The following ZNF398 variants were observed in gnomAD, a reference collection of about 807,000 sequenced individuals.
ZNF398 encodes zinc finger protein 398.
ZNF398 carries 18 observed loss-of-function variants against 41.9 expected under a neutral mutation model. That is an observed-to-expected ratio of 0.43 (90% CI 0.30 to 0.64). The LOEUF is 0.64. Among genes scored for constraint, ZNF398 ranks in the 30% least tolerant of loss-of-function variants. ZNF398 has a pLI of 0.14. For missense variants in ZNF398, 669 were observed against 822.8 expected (o/e 0.81, Z 2.29); for synonymous variants, 260 against 308.8 (o/e 0.84, Z 1.66).
At chr7:149,133,163 T>G (rs1183804354) in intron 2 of ZNF398, among the ~76,000 whole-genome samples, 3 of 150,730 alleles carry the variant, frequency 2.0e-5, no homozygotes, top group Non-Finnish European at 4.4e-5. Context: ...TAGCCCAGGG[T>G]GGAGTGCAGT....
intron 2 of ZNF398, among the ~76,000 whole-genome samples, chr7:149,138,717 G>C (rs940680661): frequency 3.3e-5 from 5 of 152,174 alleles, no homozygotes; most frequent in South Asian, 2.1e-4. Context: ...AAAATGCTTC[G>C]AGTGATTGTC....
intron 2 of ZNF398, among the ~76,000 whole-genome samples, chr7:149,136,273 G>A (rs1398482694): frequency 1.3e-5 from 2 of 152,126 alleles, no homozygotes; most frequent in African/African-American, 4.8e-5. Context: ...GAGGGTTGCA[G>A]AGCGGCCAGG....
intron 2 of ZNF398, among the ~76,000 whole-genome samples, chr7:149,131,144 C>T (rs980507470): frequency 1.3e-5 from 2 of 152,128 alleles, no homozygotes; most frequent in African/African-American, 4.8e-5. Flanking sequence ...TGTGTTTATT[C>T]AAAGAAACCA....
chr7:149,179,028 A>T lies in ZNF398; in HGVS notation c.1156A>T (p.Ser386Cys). 1 of 1,613,076 alleles carries T rather than the reference A, an allele frequency of 6.2e-7. No individual in the cohort carries two copies. The highest frequency in any genetic ancestry group is 8.5e-7 in the Non-Finnish European group (1 of 1,179,752). ...PKHFTPQADL[S>C]STSQDHASET... The stretch of plus-strand genomic sequence containing the variant: ...GCACTTTACTCCACAGGCGGACCTC[A>T]GCAGCACCTCCCAGGACCATGCCAG... The change falls in exon 6 of 6, where the codon AGC becomes TGC. Residue 386 changes from serine (S) to cysteine (C), a missense_variant. Coordinates refer to ENST00000475153, the MANE Select transcript of ZNF398 (RefSeq NM_170686.3). The surrounding 1 kb of genome is among the most constrained non-coding windows in gnomAD (Gnocchi z 6.1).
chr7:149,177,448 A>C (rs1287761922), intron 5 of ZNF398, among the ~76,000 whole-genome samples: 2 of 152,186 alleles, frequency 1.3e-5, no homozygotes, highest in African/African-American at 4.8e-5. Context: ...AAAAAGGAAA[A>C]TATGCATCAG....
At chr7:149,127,623 G>A (rs1263812644) in intron 1 of ZNF398, among the ~76,000 whole-genome samples, 3 of 151,222 alleles carry the variant, frequency 2.0e-5, no homozygotes, top group Non-Finnish European at 4.4e-5. Context: ...AGGCTGAGTC[G>A]GGAGAGTGGC....
At chr7:149,149,707 G>T (rs1251865461) in intron 1 of ZNF398, among the ~76,000 whole-genome samples, 1 of 151,882 alleles carries the variant, frequency 6.6e-6, no homozygotes, top group Non-Finnish European at 1.5e-5. Flanking sequence ...TTAGCCAGGC[G>T]TGGTGGCATG....
chr7:149,133,242 A>G (rs530765516), intron 2 of ZNF398, among the ~76,000 whole-genome samples: 1 of 151,884 alleles, frequency 6.6e-6, no homozygotes, highest in African/African-American at 2.4e-5. Flanking sequence ...TAGCCTTCCA[A>G]GTAGCTGGGA....
intron 4 of ZNF398, among the ~76,000 whole-genome samples, chr7:149,170,406 G>A (rs1795310299): frequency 6.6e-6 from 1 of 152,108 alleles, no homozygotes; most frequent in East Asian, 1.9e-4. Context: ...GTAAACACAT[G>A]TAAAGATAGG....
chr7:149,181,918 C>G lies in ZNF398; in HGVS notation c.*2117C>G, dbSNP rs906587201. On this transcript the variant is annotated 3_prime_UTR_variant, in exon 6 of 6. Coordinates refer to ENST00000475153, the MANE Select transcript of ZNF398 (RefSeq NM_170686.3). The stretch of plus-strand genomic sequence containing the variant: ...TGTGAGATTCAGCTCTAGTTTGCAC[C>G]TTGATTTCCCCAGTGAAAAGGGAGA... 2.0e-5 allele frequency: 3 copies of G among 152,132 alleles called. No individual in the cohort carries two copies. Among genetic ancestry groups the G allele is most frequent in the African/African-American group, 4.8e-5 (2 of 41,420 alleles). 9.4% of individuals were successfully genotyped at this position (152,132 alleles called of 1,614,324 possible).
intron 1 of ZNF398, among the ~76,000 whole-genome samples, chr7:149,152,566 CT>C (rs754663137): frequency 2.3e-3 from 312 of 134,794 alleles, no homozygotes; most frequent in South Asian, 8.3e-3. Context: ...GCCTAGATTT[CT>C]TTTTTTTTTT....
intron 4 of ZNF398, among the ~76,000 whole-genome samples, chr7:149,170,243 A>C (rs1295816261): frequency 6.6e-6 from 1 of 152,230 alleles, no homozygotes; most frequent in Non-Finnish European, 1.5e-5. Flanking sequence ...CATTGTGCAG[A>C]CATCACAGCG....
In ZNF398 at chr7:149,178,829, C is replaced by T; in HGVS notation, c.957C>T (p.Ala319=). Reference sequence around the variant, plus strand: ...GTCCAGCCACTGACCTGCCTGAAGCCTCTGAGGGACAAGTGACTTTTACTC... The same window carrying T: ...GTCCAGCCACTGACCTGCCTGAAGCTTCTGAGGGACAAGTGACTTTTACTC... ...FGRPATDLPE[A]SEGQVTFTQL... Residue 319 remains alanine, a synonymous_variant, in exon 6 of 6, where the codon GCC becomes GCT. Transcript: ENST00000475153. The T allele has an allele frequency of 6.2e-7, 1 of 1,614,226 alleles. No homozygotes were observed. Among genetic ancestry groups the T allele is most frequent in the Non-Finnish European group, 8.5e-7 (1 of 1,180,044 alleles).
rs1795570701 is a variant in ZNF398, at chr7:149,180,715, GTTGGC to G, written c.*917_*921del. 1 of 152,206 alleles carries G rather than the reference GTTGGC, an allele frequency of 6.6e-6. No individual in the cohort carries two copies. Among genetic ancestry groups the G allele is most frequent in the East Asian group, 1.9e-4 (1 of 5,202 alleles). 9.4% of individuals were successfully genotyped at this position (152,206 alleles called of 1,614,324 possible). A position where few individuals can be genotyped will look rare whatever the true frequency, so the allele number is the denominator to read the frequency against. ...ATTCTTATCTTTTCCAAGCCAGTAA[GTTGGC>G]TTCTCCATTCCTGGTGTCTGATATT... On this transcript the variant is annotated 3_prime_UTR_variant, in exon 6 of 6. Transcript: ENST00000475153.
At position 149,179,436 on chromosome 7, in the gene ZNF398, C is replaced by A. The variant is rs112460455; in HGVS notation, c.1564C>A (p.Arg522Ser). The change falls in exon 6 of 6, where the codon CGC becomes AGC. Residue 522 changes from arginine (R) to serine (S), a missense_variant. Around this residue, in one of 3 missense-constraint regions of ZNF398, gnomAD observed 210 missense variants for 290.4 expected, o/e 0.72. Transcript: ENST00000475153. This position sits in a 1 kb window ranked among gnomAD's most constrained non-coding sequence, Gnocchi z 6.1. ...CACTGACTGCAGTAAGAGCTTCATG[C>A]GCAAGGAGCACCTGCTGAACCACCG... Reference protein sequence around the residue: ...PCTDCSKSFMRKEHLLNHRRL... With the variant: ...PCTDCSKSFMSKEHLLNHRRL... The A allele has an allele frequency of 6.2e-7, 1 of 1,614,046 alleles. No individual in the cohort carries two copies. The highest frequency in any genetic ancestry group is 1.1e-5 in the South Asian group (1 of 91,090).
intron 2 of ZNF398, among the ~76,000 whole-genome samples, chr7:149,161,439 T>C (rs977056842): frequency 6.6e-6 from 1 of 152,142 alleles, no homozygotes; most frequent in Non-Finnish European, 1.5e-5. Flanking sequence ...TGTCACTTCC[T>C]GACTCGTCCC....
At chr7:149,174,693 GCA>G in intron 4 of ZNF398, among the ~76,000 whole-genome samples, 1 of 152,214 alleles carries the variant, frequency 6.6e-6, no homozygotes, top group African/African-American at 2.4e-5. Flanking sequence ...GGGCATGGTG[GCA>G]CACACCTGTG....
chr7:149,152,836 T>C lies in ZNF398; in HGVS notation c.25-1109T>C, dbSNP rs559007230. Reference sequence around the variant, plus strand: ...TCTCAAAGTACTGGGATTACAGGTGTGAGCCACCCACCGTGCCCAGCCTCT... The same window carrying C: ...TCTCAAAGTACTGGGATTACAGGTGCGAGCCACCCACCGTGCCCAGCCTCT... On this transcript the variant is annotated intron_variant, in intron 1 of 5. Transcript: ENST00000475153. 4.0e-5 allele frequency among the ~76,000 whole-genome samples: 6 copies of C among 150,664 alleles called. No homozygotes were observed. In the Admixed American group the frequency reaches 4.0e-4, roughly 10 times the overall value.
At chr7:149,134,183 G>C (rs1826665042) in intron 2 of ZNF398, among the ~76,000 whole-genome samples, 1 of 150,582 alleles carries the variant, frequency 6.6e-6, no homozygotes, top group Non-Finnish European at 1.5e-5. Context: ...TCCTGCCTCA[G>C]CCTCCCAAGT....
Sources: gnomAD v4.1 joint callset for allele counts (sites outside exome capture counted in the v4.1 genomes callset) on GRCh38, gnomAD v4.1.1 for gene constraint, gnomAD v4.1.1 regional missense constraint, Gnocchi (gnomAD v3.1) non-coding constraint, MANE v1.5 for transcripts, NCBI Gene and HGNC (gene_info 2026-07-23, HGNC 2026-07-21) for gene names.